LRGUK: variants seen among roughly 807,000 people sequenced by gnomAD.
LRGUK encodes the protein leucine-rich repeat and guanylate kinase domain-containing protein.
A neutral mutation model predicts 76.0 loss-of-function variants in LRGUK; 65 were observed. The observed-to-expected ratio is 0.85, with a 90% CI of 0.70 to 1.05. The LOEUF (loss-of-function observed/expected upper bound fraction) is 1.05. LRGUK is among the 50% of genes least tolerant of loss of function. The probability of loss-of-function intolerance (pLI) is 0.00; values close to 1 mark genes in which losing one functional copy is unlikely to be tolerated. For missense variants in LRGUK, 758 were observed against 732.8 expected (o/e 1.03, Z -0.40); for synonymous variants, 268 against 265.6 (o/e 1.01, Z -0.09).
At chr7:134,196,859 G>C (rs779802411) in intron 12 of LRGUK, 133 bp from the exon 13 acceptor site, 44 of 495,340 alleles carry the variant, frequency 8.9e-5, no homozygotes, top group Non-Finnish European at 1.4e-4. Flanking sequence ...TTACCCCATT[G>C]TCATCCTTAT....
At chr7:134,269,027 G>A (rs577722895), downstream of LRGUK, among the ~76,000 whole-genome samples, 16 of 151,864 alleles carry the variant, frequency 1.1e-4, no homozygotes, top group African/African-American at 2.9e-4. Flanking sequence ...CACCACACCC[G>A]GCTGCAAAAA....
chr7:134,225,143 A>C (rs1182698943), intron 16 of LRGUK, among the ~76,000 whole-genome samples: 2 of 150,904 alleles, frequency 1.3e-5, no homozygotes, highest in East Asian at 1.9e-4. Context: ...AAAAAAAAAA[A>C]AAAAAACCCA....
At chr7:134,265,512 G>A (rs555455539), downstream of LRGUK, among the ~76,000 whole-genome samples, 2 of 152,188 alleles carry the variant, frequency 1.3e-5, no homozygotes, top group African/African-American at 4.8e-5. Context: ...AAGCCCCAGC[G>A]AAAGCCCACT....
chr7:134,153,444 T>C (rs1321269510), intron 5 of LRGUK, among the ~76,000 whole-genome samples: 2 of 152,166 alleles, frequency 1.3e-5, no homozygotes, highest in Non-Finnish European at 2.9e-5. Context: ...GAGTACAGTT[T>C]ATTCTTTACC....
At chr7:134,194,669 A>G (rs1270097807) in intron 12 of LRGUK, among the ~76,000 whole-genome samples, 2 of 152,172 alleles carry the variant, frequency 1.3e-5, no homozygotes, top group African/African-American at 4.8e-5. Context: ...TGAGCCCAGG[A>G]GGTCAAGGCT....
exon 19 of LRGUK, chr7:134,258,302 C>A (rs748823799): frequency 1.9e-6 from 3 of 1,613,980 alleles, no homozygotes; most frequent in Admixed American, 1.7e-5. Context: ...TGTTTCGGTT[C>A]TGTCCGTGGT....
intron 7 of LRGUK, among the ~76,000 whole-genome samples, chr7:134,170,420 T>C (rs1799192251): frequency 6.6e-6 from 1 of 152,108 alleles, no homozygotes; most frequent in Non-Finnish European, 1.5e-5. Context: ...TATGGTACAA[T>C]TGAAACAAAA....
intron 12 of LRGUK, among the ~76,000 whole-genome samples, chr7:134,195,809 A>C (rs1800454288): frequency 6.6e-6 from 1 of 152,222 alleles, no homozygotes; most frequent in Admixed American, 6.5e-5. Flanking sequence ...TAAAATAGTA[A>C]GGATATTTAT....
At position 134,148,237 on chromosome 7, in the gene LRGUK, G is replaced by A; in HGVS notation, c.589-1G>A. On this transcript the variant is annotated splice_acceptor_variant, in intron 4 of 15. Coordinates refer to ENST00000645682, the Ensembl canonical transcript of LRGUK. LOFTEE classifies it high-confidence loss of function. Reference sequence around the variant, plus strand: ...ACATCTTGTTCTCTTTCTCTTGCCAGAAGGCGGATTTTTCCCACAACCAAA... The same window carrying A: ...ACATCTTGTTCTCTTTCTCTTGCCAAAAGGCGGATTTTTCCCACAACCAAA... 6.3e-7 allele frequency: 1 copy of A among 1,594,574 alleles called. No homozygotes were observed. The highest frequency in any genetic ancestry group is 1.1e-5 in the South Asian group (1 of 88,168).
intron 7 of LRGUK, among the ~76,000 whole-genome samples, chr7:134,172,151 C>T (rs1351688732): frequency 1.3e-5 from 2 of 152,164 alleles, no homozygotes; most frequent in Non-Finnish European, 2.9e-5. Flanking sequence ...CCATGTCAAT[C>T]ATTGTAAATA....
chr7:134,265,094 G>T (rs575321898), downstream of LRGUK, among the ~76,000 whole-genome samples: 2 of 152,108 alleles, frequency 1.3e-5, no homozygotes, highest in Non-Finnish European at 2.9e-5. Flanking sequence ...AGATGACCAC[G>T]TTGGGCAAGG....
chr7:134,173,676 A>G (rs1420724341), intron 7 of LRGUK, among the ~76,000 whole-genome samples: 1 of 152,184 alleles, frequency 6.6e-6, no homozygotes, highest in Non-Finnish European at 1.5e-5. Context: ...ACAGAAAAGT[A>G]TATAAAACAT....
intron 15 of LRGUK, among the ~76,000 whole-genome samples, chr7:134,215,840 A>G (rs1409056888): frequency 6.6e-6 from 1 of 152,224 alleles, no homozygotes; most frequent in African/African-American, 2.4e-5. Context: ...AGGCATTCAG[A>G]GAAGAGGATA....
chr7:134,171,040 A>G (rs182563985), intron 7 of LRGUK, among the ~76,000 whole-genome samples: 1 of 152,192 alleles, frequency 6.6e-6, no homozygotes, highest in South Asian at 2.1e-4. Flanking sequence ...GATACAGAAA[A>G]CGTAAATAAA....
intron 19 of LRGUK, among the ~76,000 whole-genome samples, chr7:134,260,777 C>T (rs1181115920): frequency 2.0e-5 from 3 of 152,150 alleles, no homozygotes; most frequent in Non-Finnish European, 1.5e-5. Context: ...GGCTTCTCCT[C>T]GTTTGAGATC....
chr7:134,254,023 G>C (rs1160238935), intron 18 of LRGUK, among the ~76,000 whole-genome samples: 1 of 152,156 alleles, frequency 6.6e-6, no homozygotes, highest in African/African-American at 2.4e-5. Context: ...GTCCTCAACA[G>C]ATAAATGAGC....
chr7:134,138,402 AT>A (rs964356470), intron 2 of LRGUK, among the ~76,000 whole-genome samples: 54 of 150,850 alleles, frequency 3.6e-4, no homozygotes, highest in Middle Eastern at 3.4e-3. Context: ...TAGTTTGGTG[AT>A]TTTTTTTTCC....
intron 6 of LRGUK, among the ~76,000 whole-genome samples, chr7:134,160,033 A>G (rs1442648012): frequency 6.6e-6 from 1 of 152,222 alleles, no homozygotes; most frequent in Non-Finnish European, 1.5e-5. Context: ...ATTTACGACA[A>G]TCTGAAGGAT....
intron 7 of LRGUK, among the ~76,000 whole-genome samples, chr7:134,163,762 GT>G (rs1030522735): frequency 1.1e-4 from 16 of 152,168 alleles, no homozygotes; most frequent in Non-Finnish European, 2.1e-4. Flanking sequence ...TAATTACATT[GT>G]TTTTAAGGTT....
Sources: gnomAD v4.1 joint callset for allele counts (sites outside exome capture counted in the v4.1 genomes callset) on GRCh38, gnomAD v4.1.1 for gene constraint, MANE v1.5 for transcripts, NCBI Gene and HGNC (gene_info 2026-07-23, HGNC 2026-07-21) for gene names.